MIDEAS: variants seen among roughly 807,000 people sequenced by gnomAD.
The protein encoded by MIDEAS is mitotic deacetylase-associated SANT domain protein.
MIDEAS carries 26 observed loss-of-function variants against 102.7 expected under a neutral mutation model. The ratio of observed to expected loss-of-function variants is 0.25; its 90% CI spans 0.19 to 0.35. The LOEUF (loss-of-function observed/expected upper bound fraction) is 0.35. Ranked by LOEUF, MIDEAS falls within the 10% of genes least tolerant of loss-of-function variation. The pLI is 1.00. For synonymous variants in MIDEAS, 585 were observed against 591.0 expected, an observed-to-expected ratio of 0.99 and a Z score of 0.15; for missense variants, 1,231 against 1,435.6, an observed-to-expected ratio of 0.86 and a Z score of 2.30.
chr14:73,744,195 C>G (rs2053319892), intron 1 of MIDEAS, among the ~76,000 whole-genome samples: 1 of 152,176 alleles, frequency 6.6e-6, no homozygotes, highest in South Asian at 2.1e-4. Context: ...CACACTGCTC[C>G]CCAAATGCCA....
intron 9 of MIDEAS, chr14:73,724,598 C>T (rs1210092440): frequency 2.6e-5 from 4 of 153,432 alleles, no homozygotes; most frequent in Non-Finnish European, 5.8e-5. Flanking sequence ...TTTGTCTAGT[C>T]CCCAGGGCTG....
In MIDEAS at chr14:73,725,302, G is replaced by A. The variant is rs1359972256; in HGVS notation, c.2544C>T (p.Tyr848=). 1 of 1,614,112 alleles carries A rather than the reference G, an allele frequency of 6.2e-7. No homozygotes were observed. Among genetic ancestry groups the A allele is most frequent in the South Asian group, 1.1e-5 (1 of 91,082 alleles). Reference sequence around the variant, plus strand: ...TCTGCACCAGGAAGAAATCCTTCTTGTAGATGGCAATGCCTTTGTTGAACA... The same window carrying A: ...TCTGCACCAGGAAGAAATCCTTCTTATAGATGGCAATGCCTTTGTTGAACA... ...RKLFNKGIAI[Y]KKDFFLVQKL... Residue 848 remains tyrosine, a synonymous_variant, in exon 9 of 13, where the codon TAC becomes TAT. Coordinates refer to ENST00000423556, the MANE Select transcript of MIDEAS (RefSeq NM_001367710.1). This position sits in a 1 kb window ranked among gnomAD's most constrained non-coding sequence, Gnocchi z 4.1.
At chr14:73,736,847 C>T in intron 3 of MIDEAS, 151 bp downstream of exon 3, 1 of 727,312 alleles carries the variant, frequency 1.4e-6, no homozygotes, top group Non-Finnish European at 2.2e-6. Flanking sequence ...TTCTGGACGT[C>T]TGTCCAGAAG....
rs978812730 is a variant in MIDEAS at position 73,717,253 on chromosome 14, T to C, written c.*1590A>G. On this transcript the variant is annotated 3_prime_UTR_variant, in exon 13 of 13. Transcript: ENST00000423556. ...TTGACCTGTCATACGCGCATTCACT[T>C]AGAATTTCTTTTGCACAACTAAAGT... 6.6e-6 allele frequency: 1 copy of C among 152,230 alleles called. No individual in the cohort carries two copies. Among genetic ancestry groups the C allele is most frequent in the Non-Finnish European group, 1.5e-5 (1 of 68,048 alleles). The allele number at this position is 152,230 out of a possible 1,614,324, so 9.4% of individuals were successfully genotyped here.
chr14:73,743,027 G>A (rs2053302845), intron 1 of MIDEAS, among the ~76,000 whole-genome samples: 3 of 152,250 alleles, frequency 2.0e-5, no homozygotes, highest in South Asian at 4.1e-4. Flanking sequence ...GCTCAGAGGA[G>A]CTAAGTAAGT....
intron 12 of MIDEAS, 64 bp downstream of exon 12, chr14:73,719,241 A>ACCCCCCCCCCCCCCCCCCCCCCCCCCC: frequency 5.7e-6 from 2 of 350,420 alleles, no homozygotes; most frequent in Non-Finnish European, 8.5e-6. Flanking sequence ...CCTCCACCCC[A>ACCCCCCCCCCCCCCCCCCCCCCCCCCC]CCCCCGCCCC....
intron 1 of MIDEAS, among the ~76,000 whole-genome samples, chr14:73,786,322 T>A (rs979670339): frequency 1.3e-5 from 2 of 152,194 alleles, no homozygotes; most frequent in African/African-American, 4.8e-5. Context: ...CTGCAGCACA[T>A]TCCTGCAGCC....
At chr14:73,730,137 C>G in intron 3 of MIDEAS, 152 bp from the exon 4 acceptor site, 1 of 816,874 alleles carries the variant, frequency 1.2e-6, no homozygotes, top group African/African-American at 1.7e-5. Context: ...GTCCAAAAGC[C>G]CTTTTTATCA....
upstream of MIDEAS, among the ~76,000 whole-genome samples, chr14:73,760,529 G>A (rs995572826): frequency 6.6e-6 from 1 of 152,254 alleles, no homozygotes; most frequent in African/African-American, 2.4e-5. This position sits in a 1 kb window ranked among gnomAD's most constrained non-coding sequence, Gnocchi z 4.8. Context: ...TTCACACCAA[G>A]GTCAGGAGGA....
At chr14:73,737,639 T>C (rs72721768) in intron 2 of MIDEAS, among the ~76,000 whole-genome samples, 12,156 of 151,760 alleles carry the variant, frequency 0.08, 489 homozygotes, top group Middle Eastern at 0.11. Context: ...AATAAATAAA[T>C]AAACAAATAA....
rs55972902 is a variant in MIDEAS at position 73,748,768 on chromosome 14, CAAAA to C, written c.-247-8517_-247-8514del. Among the ~76,000 whole-genome samples the C allele has an allele frequency of 9.2e-4, 114 of 124,582 alleles. No individual in the cohort carries two copies. The Middle Eastern group carries it at 0.017, about 19-fold the overall frequency. The allele number at this position is 124,582 out of a possible 152,430, so 81.7% of individuals were successfully genotyped here. A position where few individuals can be genotyped will look rare whatever the true frequency, so the allele number is the denominator to read the frequency against. ...TGGGCAACAGAGCTAGACTCCGTCTCAAAAAAAAAAAAAAAAAAATCAGACAAAA... is the reference window on the plus strand; with the variant it reads ...TGGGCAACAGAGCTAGACTCCGTCTCAAAAAAAAAAAAAAATCAGACAAAA... On this transcript the variant is annotated intron_variant, in intron 1 of 12. Transcript: ENST00000423556.
Position 73,738,775 on chromosome 14 carries a change from C to T in MIDEAS, c.1234G>A (p.Asp412Asn). 6.3e-7 allele frequency: 1 copy of T among 1,590,288 alleles called. No individual in the cohort carries two copies. Residue 412 changes from aspartate to asparagine, a missense_variant, in exon 2 of 13, where the codon GAT (aspartate) becomes AAT (asparagine). Asp to Asn is a conservative substitution (Grantham distance 23, BLOSUM62 1). Transcript: ENST00000423556. ...LELRESQLLPDGERLAPNGRE... is the reference protein window; with the variant it reads ...LELRESQLLPNGERLAPNGRE... ...CCATTGGGTGCTAGTCTCTCCCCATCAGGCAGTAGCTGCGACTCCCTCAGC... is the reference window on the plus strand; with the variant it reads ...CCATTGGGTGCTAGTCTCTCCCCATTAGGCAGTAGCTGCGACTCCCTCAGC...
At chr14:73,781,365 T>C (rs547084644) in intron 1 of MIDEAS, among the ~76,000 whole-genome samples, 4 of 152,360 alleles carry the variant, frequency 2.6e-5, no homozygotes, top group Admixed American at 6.5e-5. Context: ...TTTATTAAAC[T>C]CAGTTTATAC....
chr14:73,719,074 C>A (rs2052942146), intron 12 of MIDEAS, 66 bp from the exon 13 acceptor site: 4 of 1,447,136 alleles, frequency 2.8e-6, no homozygotes, highest in African/African-American at 1.4e-5. Context: ...CGCGGGTGCG[C>A]GAGGAGCCCC....
chr14:73,719,692 A>G (rs2052957193), intron 11 of MIDEAS, among the ~76,000 whole-genome samples, 191 bp from the exon 12 acceptor site: 1 of 151,694 alleles, frequency 6.6e-6, no homozygotes. Flanking sequence ...GGTCAGCTCT[A>G]TCGTTTACAA....
At position 73,739,179 on chromosome 14, in the gene MIDEAS, A is replaced by G; in HGVS notation, c.830T>C (p.Met277Thr). ...QMPLFENFYSMPQQPSQQPQD... is the reference protein window; with the variant it reads ...QMPLFENFYSTPQQPSQQPQD... ...GGGTTGCTGCGAGGGTTGCTGCGGC[A>G]TGGAATAGAAGTTCTCAAAGAGCGG... The change falls in exon 2 of 13, where the codon ATG becomes ACG. Residue 277 changes from methionine to threonine, a missense_variant. Physicochemically the swap from Met to Thr is moderately conservative, Grantham distance 81. Around this residue, in one of 5 missense-constraint regions of MIDEAS, gnomAD observed 758 missense variants for 856.0 expected, o/e 0.89. Transcript: ENST00000423556. The G allele has an allele frequency of 6.2e-7, 1 of 1,613,914 alleles. No homozygotes were observed. The highest frequency in any genetic ancestry group is 1.1e-5 in the South Asian group (1 of 91,066).
intron 2 of MIDEAS, among the ~76,000 whole-genome samples, chr14:73,737,881 T>C (rs1287174008): frequency 6.7e-6 from 1 of 149,720 alleles, no homozygotes; most frequent in Non-Finnish European, 1.5e-5. Flanking sequence ...TCCCAGGTTC[T>C]AATGATTCTC....
At position 73,759,523 on chromosome 14, in the gene MIDEAS, G is replaced by A. The variant is rs1166267052; in HGVS notation, c.-248+240C>T. 6.7e-6 allele frequency among the ~76,000 whole-genome samples: 1 copy of A among 149,566 alleles called. No homozygotes were observed. ...ACACGCAGCTGCGGGCCGAGGGCGC[G>A]GACCGCGGGGGAGGGGGCGGCGGGC... On this transcript the variant is annotated intron_variant, in intron 1 of 12. Transcript: ENST00000423556. This position sits in a 1 kb window ranked among gnomAD's most constrained non-coding sequence, Gnocchi z 6.7.
chr14:73,750,989 G>A (rs1050690518), intron 1 of MIDEAS, among the ~76,000 whole-genome samples: 5 of 152,216 alleles, frequency 3.3e-5, no homozygotes, highest in Non-Finnish European at 7.3e-5. Flanking sequence ...ATTATCCTGT[G>A]TAATCATCTC....
Sources: gnomAD v4.1 joint callset for allele counts (sites outside exome capture counted in the v4.1 genomes callset) on GRCh38, gnomAD v4.1.1 for gene constraint, gnomAD v4.1.1 regional missense constraint, Gnocchi (gnomAD v3.1) non-coding constraint, MANE v1.5 for transcripts, NCBI Gene and HGNC (gene_info 2026-07-23, HGNC 2026-07-21) for gene names.